C8orf34: variants seen among roughly 807,000 people sequenced by gnomAD.
The protein encoded by C8orf34 is chromosome 8 open reading frame 34, also known as uncharacterized protein C8orf34.
Under a neutral mutation model 68.3 loss-of-function variants are expected in C8orf34, and 65 were observed. The observed-to-expected ratio is 0.95, with a 90% CI of 0.78 to 1.17. The LOEUF (loss-of-function observed/expected upper bound fraction) is 1.17, where lower values mean the gene tolerates loss of function less well. Ranked by LOEUF, C8orf34 falls within the 50% of genes most tolerant of loss-of-function variation. The pLI, the probability that C8orf34 is intolerant of heterozygous loss-of-function variation, is 0.00. For missense variants in C8orf34, 664 were observed against 655.4 expected (o/e 1.01, Z -0.14); for synonymous variants, 244 against 241.2 (o/e 1.01, Z -0.11).
At chr8:68,446,256 A>G (rs1454298405) in intron 2 of C8orf34, 73 bp from the exon 3 acceptor site, 1 of 1,279,536 alleles carries the variant, frequency 7.8e-7, no homozygotes, top group Non-Finnish European at 1.1e-6. Flanking sequence ...ATATTTAATG[A>G]CTTCGTGGAC....
chr8:68,609,614 A>G (rs1277171717), intron 7 of C8orf34, among the ~76,000 whole-genome samples: 1 of 152,140 alleles, frequency 6.6e-6, no homozygotes, highest in Admixed American at 6.6e-5. Context: ...TACTAGCTCT[A>G]TTGAGAACAC....
chr8:68,570,027 CCT>C (rs1816716227), intron 7 of C8orf34, among the ~76,000 whole-genome samples: 1 of 152,138 alleles, frequency 6.6e-6, no homozygotes, highest in South Asian at 2.1e-4. Context: ...TTGCACACTC[CCT>C]CTCTTTTTCA....
intron 3 of C8orf34, among the ~76,000 whole-genome samples, chr8:68,451,869 T>G (rs1289713985): frequency 6.6e-6 from 1 of 151,966 alleles, no homozygotes; most frequent in African/African-American, 2.4e-5. Context: ...CACGAATGTT[T>G]ACTTTGTAAA....
At chr8:68,659,277 T>C (rs1281624006) in intron 8 of C8orf34, among the ~76,000 whole-genome samples, 1 of 152,200 alleles carries the variant, frequency 6.6e-6, no homozygotes, top group Admixed American at 6.5e-5. Context: ...CCAGCCTTGA[T>C]TTAATATTGG....
chr8:68,435,422 A>G (rs1157410838), intron 1 of C8orf34, among the ~76,000 whole-genome samples: 2 of 152,074 alleles, frequency 1.3e-5, no homozygotes, highest in African/African-American at 4.8e-5. Flanking sequence ...GGTATCACCA[A>G]AAGTCAGAGG....
rs144936596 is a variant in C8orf34, at chr8:68,457,292, T to A, written c.607+10832T>A. 2.1e-3 allele frequency among the ~76,000 whole-genome samples: 327 copies of A among 152,160 alleles called. 1 individual carries two copies. Among genetic ancestry groups the A allele is most frequent in the African/African-American group, 7.1e-3 (294 of 41,536 alleles). The stretch of plus-strand genomic sequence containing the variant: ...TAAAAAAATGAAGACAGAAGTACAA[T>A]AGCTGAAAAATCATGATATGGAAAT... On this transcript the variant is annotated intron_variant, in intron 3 of 13. Coordinates refer to ENST00000518698, the MANE Select transcript of C8orf34 (RefSeq NM_052958.4).
chr8:68,759,023 G>A (rs143628754), intron 10 of C8orf34, among the ~76,000 whole-genome samples: 1 of 152,114 alleles, frequency 6.6e-6, no homozygotes, highest in African/African-American at 2.4e-5. Flanking sequence ...TCCAAAAAGA[G>A]CACCTGAACT....
rs533908130 is a variant in C8orf34, at chr8:68,669,769, G to C, written c.1241+29258G>C. On this transcript the variant is annotated intron_variant, in intron 8 of 13. Transcript: ENST00000518698. ...TAGTATGTCAATGGAGTTTTTCAGA[G>C]TTCCAAGGAAGAGCTACAAACAGAA... Among the ~76,000 whole-genome samples the C allele has an allele frequency of 1.9e-4, 29 of 152,266 alleles. No homozygotes were observed. The South Asian group carries it at 5.8e-3, about 31-fold the overall frequency.
chr8:68,657,728 C>A (rs1054711312), intron 8 of C8orf34, among the ~76,000 whole-genome samples: 1 of 152,206 alleles, frequency 6.6e-6, no homozygotes, highest in Non-Finnish European at 1.5e-5. Context: ...AACAACATAT[C>A]TGTTGCTTCC....
At chr8:68,424,921 T>A (rs79425946) in intron 1 of C8orf34, among the ~76,000 whole-genome samples, 7,891 of 151,988 alleles carry the variant, frequency 0.052, 237 homozygotes, top group Middle Eastern at 0.11. Context: ...TAATAATAAT[T>A]ATAATCATAC....
chr8:68,584,487 A>G (rs1817151168), intron 7 of C8orf34, among the ~76,000 whole-genome samples: 1 of 152,204 alleles, frequency 6.6e-6, no homozygotes, highest in African/African-American at 2.4e-5. Context: ...TTTGATATGT[A>G]TATTTGAAAT....
At chr8:68,396,565 C>A (rs1234480437) in intron 1 of C8orf34, among the ~76,000 whole-genome samples, 2 of 151,680 alleles carry the variant, frequency 1.3e-5, no homozygotes, top group African/African-American at 4.8e-5. Context: ...TTCCAACCTC[C>A]TGTTACGATT....
intron 11 of C8orf34, among the ~76,000 whole-genome samples, chr8:68,780,724 C>T (rs1160890953): frequency 6.6e-6 from 1 of 152,140 alleles, no homozygotes; most frequent in Non-Finnish European, 1.5e-5. Context: ...AGAGACCAGA[C>T]TGGGCAACAT....
chr8:68,371,668 C>T (rs1370460849), intron 1 of C8orf34, among the ~76,000 whole-genome samples: 2 of 150,724 alleles, frequency 1.3e-5, no homozygotes, highest in African/African-American at 2.4e-5. Flanking sequence ...GGCATGATCT[C>T]GGCTCACTGC....
intron 1 of C8orf34, among the ~76,000 whole-genome samples, chr8:68,384,748 C>T (rs1808189010): frequency 6.6e-6 from 1 of 152,158 alleles, no homozygotes; most frequent in African/African-American, 2.4e-5. Flanking sequence ...TATCTCCACT[C>T]AGCCAAAGGT....
chr8:68,619,707 G>A (rs1312718883), intron 7 of C8orf34, among the ~76,000 whole-genome samples: 1 of 152,132 alleles, frequency 6.6e-6, no homozygotes. Flanking sequence ...CCTGTGGAGA[G>A]AGAATTTTGG....
chr8:68,345,422 A>C (rs1167102443), intron 1 of C8orf34, among the ~76,000 whole-genome samples: 3 of 152,052 alleles, frequency 2.0e-5, no homozygotes, highest in African/African-American at 7.2e-5. Flanking sequence ...TAGAAAAGCC[A>C]AAAAGTGCAA....
chr8:68,331,539 C>T, intron 1 of C8orf34, 200 bp downstream of exon 1: 1 of 638,924 alleles, frequency 1.6e-6, no homozygotes, highest in Non-Finnish European at 2.8e-6. Context: ...GGCACTTAGC[C>T]AGTTACCTGA....
chr8:68,395,143 C>G (rs549173416), intron 1 of C8orf34, among the ~76,000 whole-genome samples: 31 of 151,706 alleles, frequency 2.0e-4, no homozygotes, highest in South Asian at 4.2e-4. Flanking sequence ...TTTTTTTAAA[C>G]AACTATCAGT....
Sources: allele counts gnomAD v4.1 joint callset (sites outside exome capture counted in the v4.1 genomes callset), GRCh38; gene constraint gnomAD v4.1.1; transcripts MANE v1.5; gene names NCBI Gene and HGNC (gene_info 2026-07-23, HGNC 2026-07-21).